The following LRRC4C variants were observed in gnomAD, a reference collection of about 807,000 sequenced individuals.
LRRC4C encodes the protein leucine-rich repeat-containing protein 4C.
A neutral mutation model predicts 33.6 loss-of-function variants in LRRC4C; 5 were observed. The observed-to-expected ratio is 0.15, with a 90% CI of 0.08 to 0.31. LRRC4C has a LOEUF of 0.31. LRRC4C is among the 10% of genes least tolerant of loss of function. The pLI is 1.00. For synonymous variants in LRRC4C, 329 were observed against 302.0 expected (o/e 1.09, Z -0.93); for missense variants, 560 against 796.7 (o/e 0.70, Z 3.58).
rs1958620421 is a variant in LRRC4C, at chr11:40,950,007, A to G, written c.-495-16284T>C. ...CAGAGACACACATACGCAAGAGGAA[A>G]ATTTTCACCTCTCAATTTTTTTTCA... is the stretch of plus-strand genomic sequence containing the variant. On this transcript the variant is annotated intron_variant, in intron 1 of 6. Coordinates refer to ENST00000528697, the MANE Select transcript of LRRC4C (RefSeq NM_001258419.2). Among the ~76,000 whole-genome samples the G allele has an allele frequency of 2.7e-5, 4 of 147,502 alleles. No individual in the cohort carries two copies. In the South Asian group the frequency reaches 8.6e-4, roughly 32 times the overall value.
At chr11:41,430,843 C>T (rs1374541) in intron 1 of LRRC4C, among the ~76,000 whole-genome samples, 97,563 of 151,612 alleles carry the variant, frequency 0.64, 31,822 homozygotes, top group African/African-American at 0.71. Flanking sequence ...ATTAAGGGCA[C>T]TTACTTACTA....
At chr11:40,949,390 G>C (rs977139914) in intron 1 of LRRC4C, among the ~76,000 whole-genome samples, 9 of 151,692 alleles carry the variant, frequency 5.9e-5, no homozygotes, top group African/African-American at 2.2e-4. Flanking sequence ...CCATTTGTCA[G>C]AGCAACTCCA....
At chr11:40,635,608 A>G (rs1963876270) in intron 3 of LRRC4C, among the ~76,000 whole-genome samples, 1 of 151,224 alleles carries the variant, frequency 6.6e-6, no homozygotes, top group Non-Finnish European at 1.5e-5. Flanking sequence ...TATTCACTCC[A>G]GAAATTGAAA....
intron 4 of LRRC4C, among the ~76,000 whole-genome samples, chr11:40,249,092 C>G (rs1189472533): frequency 1.3e-5 from 2 of 152,152 alleles, no homozygotes; most frequent in African/African-American, 4.8e-5. Flanking sequence ...CATCTCAGCA[C>G]TTTGGGAGGC....
intron 1 of LRRC4C, among the ~76,000 whole-genome samples, chr11:41,031,256 G>T (rs1013784083): frequency 6.6e-6 from 1 of 151,876 alleles, no homozygotes; most frequent in African/African-American, 2.4e-5. Context: ...TATAGTTATT[G>T]ATAACATCTG....
intron 6 of LRRC4C, among the ~76,000 whole-genome samples, chr11:40,117,032 G>C (rs1855488514): frequency 6.6e-6 from 1 of 152,144 alleles, no homozygotes; most frequent in Admixed American, 6.5e-5. Context: ...TCTGAAGTAG[G>C]AATTGCCATT....
intron 2 of LRRC4C, among the ~76,000 whole-genome samples, chr11:40,735,051 C>T (rs1947790114): frequency 6.6e-6 from 1 of 152,184 alleles, no homozygotes; most frequent in Non-Finnish European, 1.5e-5. Flanking sequence ...TCCAGGGTCT[C>T]TGATCTGGGG....
intron 3 of LRRC4C, among the ~76,000 whole-genome samples, chr11:40,564,312 A>G (rs1490236779): frequency 6.6e-6 from 1 of 152,194 alleles, no homozygotes; most frequent in African/African-American, 2.4e-5. Context: ...ATGAGCAAAA[A>G]GGCTCATAGA....
intron 1 of LRRC4C, among the ~76,000 whole-genome samples, chr11:41,224,032 A>T (rs1021042071): frequency 6.6e-6 from 1 of 152,166 alleles, no homozygotes; most frequent in African/African-American, 2.4e-5. Flanking sequence ...AAATCCACCA[A>T]TATAATGCTT....
chr11:40,978,322 G>A (rs1852236098), intron 1 of LRRC4C, among the ~76,000 whole-genome samples: 2 of 152,098 alleles, frequency 1.3e-5, no homozygotes, highest in Admixed American at 1.3e-4. Flanking sequence ...GTAAGGTACT[G>A]GCAAAGCCAA....
chr11:40,801,432 G>A (rs1057452010), intron 2 of LRRC4C, among the ~76,000 whole-genome samples: 1 of 152,036 alleles, frequency 6.6e-6, no homozygotes, highest in African/African-American at 2.4e-5. Context: ...CCACTTTATA[G>A]CAATTACTTC....
chr11:40,778,071 T>G (rs1178981286), intron 2 of LRRC4C, among the ~76,000 whole-genome samples: 2 of 152,202 alleles, frequency 1.3e-5, no homozygotes, highest in Non-Finnish European at 2.9e-5. Flanking sequence ...AGGTTAATAT[T>G]TATCTGTGAG....
intron 5 of LRRC4C, among the ~76,000 whole-genome samples, chr11:40,222,033 A>C (rs985682131): frequency 6.6e-6 from 1 of 152,074 alleles, no homozygotes; most frequent in African/African-American, 2.4e-5. Flanking sequence ...CTGTATATAC[A>C]AATAGCTTAT....
intron 3 of LRRC4C, among the ~76,000 whole-genome samples, chr11:40,513,945 C>T (rs544168174): frequency 6.6e-6 from 1 of 152,136 alleles, no homozygotes; most frequent in Non-Finnish European, 1.5e-5. Flanking sequence ...AGACAAAGAG[C>T]CAACTGTCTC....
intron 1 of LRRC4C, among the ~76,000 whole-genome samples, chr11:41,407,719 T>C (rs1010236610): frequency 1.3e-5 from 2 of 152,224 alleles, no homozygotes; most frequent in Admixed American, 6.5e-5. Flanking sequence ...TGTGGTGAGA[T>C]TGTAGCTAAT....
intron 2 of LRRC4C, among the ~76,000 whole-genome samples, chr11:40,789,977 G>C (rs534322000): frequency 3.0e-4 from 46 of 152,268 alleles, no homozygotes; most frequent in African/African-American, 9.6e-4. Flanking sequence ...AGGCCTTAAA[G>C]GTTGAACTGA....
At chr11:40,693,046 T>A (rs1250311416) in intron 2 of LRRC4C, among the ~76,000 whole-genome samples, 1 of 152,028 alleles carries the variant, frequency 6.6e-6, no homozygotes, top group African/African-American at 2.4e-5. Flanking sequence ...AGACACCAGA[T>A]GAATATAATC....
chr11:40,549,349 C>T (rs559014994), intron 3 of LRRC4C, among the ~76,000 whole-genome samples: 98 of 152,192 alleles, frequency 6.4e-4, no homozygotes, highest in African/African-American at 2.3e-3. Context: ...CAACCAGGAG[C>T]GCAGACAGAG....
chr11:40,918,321 C>T (rs1957044266), intron 2 of LRRC4C, among the ~76,000 whole-genome samples: 1 of 151,804 alleles, frequency 6.6e-6, no homozygotes, highest in African/African-American at 2.4e-5. Flanking sequence ...GTGTGTGCAC[C>T]TTTGTGCATG....
Sources: allele counts gnomAD v4.1 joint callset (sites outside exome capture counted in the v4.1 genomes callset), GRCh38; gene constraint gnomAD v4.1.1; transcripts MANE v1.5; gene names NCBI Gene and HGNC (gene_info 2026-07-23, HGNC 2026-07-21).